IL15: variants seen among roughly 807,000 people sequenced by gnomAD.
IL15 encodes interleukin 15.
A neutral mutation model predicts 19.6 loss-of-function variants in IL15; 11 were observed. That is an observed-to-expected ratio of 0.56 (90% CI 0.35 to 0.93). The LOEUF (loss-of-function observed/expected upper bound fraction) is 0.93. Ranked by LOEUF, IL15 falls within the 40% of genes least tolerant of loss-of-function variation. The pLI is 0.01. For synonymous variants in IL15, 58 were observed against 59.6 expected (o/e 0.97, Z 0.12); for missense variants, 197 against 186.5 (o/e 1.06, Z -0.33).
Position 141,721,266 on chromosome 4 carries a change from C to T in IL15, c.111-658C>T, listed in dbSNP as rs901560859. The T allele has an allele frequency of 8.5e-6, 6 of 704,440 alleles. No homozygotes were observed. The African/African-American group carries it at 8.7e-5, about 10-fold the overall frequency. 43.6% of individuals were successfully genotyped at this position (704,440 alleles called of 1,614,324 possible). The stretch of plus-strand genomic sequence containing the variant: ...AAGTGAGTGATTATTTTTCCTCAAG[C>T]TCTAAGCATCATTCCAATGTTACTT... On this transcript the variant is annotated intron_variant, in intron 4 of 7. Transcript: ENST00000320650.
chr4:141,707,577 G>A (rs1405689384), intron 2 of IL15, among the ~76,000 whole-genome samples: 2 of 152,160 alleles, frequency 1.3e-5, no homozygotes, highest in East Asian at 1.9e-4. Context: ...ATAAATCCTA[G>A]GGTATAAGTT....
intron 7 of IL15, among the ~76,000 whole-genome samples, chr4:141,731,970 G>T (rs1730466852): frequency 6.6e-6 from 1 of 152,144 alleles, no homozygotes; most frequent in Non-Finnish European, 1.5e-5. Context: ...TTCAACCAAT[G>T]GGTGATTACA....
At chr4:141,661,962 C>CTTTA (rs1727806040) in intron 2 of IL15, among the ~76,000 whole-genome samples, 1 of 152,072 alleles carries the variant, frequency 6.6e-6, no homozygotes. Flanking sequence ...CTTTACTGTT[C>CTTTA]CATGGATTAT....
chr4:141,647,907 C>A (rs145490477), intron 1 of IL15, among the ~76,000 whole-genome samples: 3,153 of 152,030 alleles, frequency 0.021, 55 homozygotes, highest in Non-Finnish European at 0.03. Context: ...TATTGCCTCT[C>A]CGGCAGGTAA....
chr4:141,679,113 G>A (rs1728453260), intron 2 of IL15, among the ~76,000 whole-genome samples: 1 of 152,120 alleles, frequency 6.6e-6, no homozygotes, highest in African/African-American at 2.4e-5. Flanking sequence ...GTGGTATTAG[G>A]AGCAGTATGG....
intron 2 of IL15, chr4:141,715,426 G>A (rs1729850925): frequency 6.6e-6 from 1 of 151,944 alleles, no homozygotes; most frequent in Non-Finnish European, 1.5e-5. Context: ...TCTTTACCCT[G>A]ACTACCCAAA....
In IL15 at chr4:141,674,592, T is replaced by TA. The variant is rs896108383; in HGVS notation, c.-100+18295dup. On this transcript the variant is annotated intron_variant, in intron 2 of 7. Transcript: ENST00000320650. ...CAGAGAAGACTTCACCTCAAAAAAA[T>TA]AAAAAAAAAAGAAATAAAAAATCTC... Among the ~76,000 whole-genome samples the TA allele has an allele frequency of 2.6e-4, 37 of 143,370 alleles. 1 individual carries two copies. Among genetic ancestry groups the TA allele is most frequent in the East Asian group, 8.2e-4 (4 of 4,906 alleles). The allele number at this position is 143,370 out of a possible 152,430, so 94.1% of individuals were successfully genotyped here.
At chr4:141,656,456 T>C (rs1727601844) in intron 2 of IL15, 149 bp downstream of exon 2, 3 of 390,052 alleles carry the variant, frequency 7.7e-6, no homozygotes, top group African/African-American at 6.2e-5. Context: ...AATATACCCT[T>C]TGTTATTGCA....
intron 5 of IL15, among the ~76,000 whole-genome samples, chr4:141,723,516 G>T (rs943318685): frequency 6.6e-6 from 1 of 152,180 alleles, no homozygotes; most frequent in African/African-American, 2.4e-5. Flanking sequence ...AGACCCCTCA[G>T]AAGGAACATG....
intron 2 of IL15, among the ~76,000 whole-genome samples, chr4:141,681,266 A>G (rs1435987887): frequency 6.6e-6 from 1 of 151,150 alleles, no homozygotes; most frequent in Non-Finnish European, 1.5e-5. Context: ...TTTTCTAATA[A>G]GTTGGCATGT....
intron 1 of IL15, among the ~76,000 whole-genome samples, chr4:141,639,272 A>T (rs949111260): frequency 2.0e-5 from 3 of 152,180 alleles, no homozygotes; most frequent in Non-Finnish European, 2.9e-5. Flanking sequence ...GTACAATTTG[A>T]CAGTGATAAT....
chr4:141,732,895 C>G lies in IL15; in HGVS notation c.*47C>G. 6.3e-7 allele frequency: 1 copy of G among 1,588,784 alleles called. No individual in the cohort carries two copies. Among genetic ancestry groups the G allele is most frequent in the African/African-American group, 1.4e-5 (1 of 73,646 alleles). On this transcript the variant is annotated 3_prime_UTR_variant, in exon 8 of 8. Coordinates refer to ENST00000320650, the MANE Select transcript of IL15 (RefSeq NM_000585.5). ...GTGTTTCTGTTATTAACAAACATCA[C>G]TCTGCTGCTTAGACATAACAAAACA...
At chr4:141,672,469 A>T (rs961312810) in intron 2 of IL15, among the ~76,000 whole-genome samples, 1 of 152,170 alleles carries the variant, frequency 6.6e-6, no homozygotes, top group African/African-American at 2.4e-5. Flanking sequence ...AGACAGCCTT[A>T]CTTTTCAAAC....
intron 2 of IL15, among the ~76,000 whole-genome samples, chr4:141,689,756 T>A (rs191470378): frequency 6.6e-6 from 1 of 152,326 alleles, no homozygotes; most frequent in African/African-American, 2.4e-5. Context: ...ATAAAGCTTC[T>A]CCAAGGCCCC....
intron 1 of IL15, among the ~76,000 whole-genome samples, chr4:141,651,304 T>C (rs2152156040): frequency 6.6e-6 from 1 of 152,156 alleles, no homozygotes. Context: ...TTGGAGGCCA[T>C]TATCTCAAGT....
At chr4:141,641,791 G>A (rs1467307244) in intron 1 of IL15, among the ~76,000 whole-genome samples, 14 of 151,088 alleles carry the variant, frequency 9.3e-5, no homozygotes, top group African/African-American at 3.2e-4. Flanking sequence ...GTATACATAT[G>A]TAACAAACCT....
intron 2 of IL15, among the ~76,000 whole-genome samples, chr4:141,688,342 A>T (rs957796134): frequency 6.6e-6 from 1 of 152,150 alleles, no homozygotes; most frequent in Non-Finnish European, 1.5e-5. Flanking sequence ...CATTTTCAAA[A>T]TTTTCAAGAG....
chr4:141,666,815 A>G (rs1397049746), intron 2 of IL15, among the ~76,000 whole-genome samples: 2 of 152,222 alleles, frequency 1.3e-5, no homozygotes, highest in African/African-American at 4.8e-5. Flanking sequence ...GTCCTGCACC[A>G]TACCCAGGAA....
chr4:141,686,834 G>A (rs915995701), intron 2 of IL15, among the ~76,000 whole-genome samples: 1 of 152,080 alleles, frequency 6.6e-6, no homozygotes, highest in Non-Finnish European at 1.5e-5. Flanking sequence ...ATTGTTACTA[G>A]TAATTTCCTG....
Sources: gnomAD v4.1 joint callset for allele counts (sites outside exome capture counted in the v4.1 genomes callset) on GRCh38, gnomAD v4.1.1 for gene constraint, MANE v1.5 for transcripts, NCBI Gene and HGNC (gene_info 2026-07-23, HGNC 2026-07-21) for gene names.